The following MARCHF1 variants were observed in gnomAD, a reference collection of about 807,000 sequenced individuals.
The protein encoded by MARCHF1 is E3 ubiquitin-protein ligase MARCHF1.
MARCHF1 carries 40 observed loss-of-function variants against 54.2 expected under a neutral mutation model. The observed-to-expected ratio is 0.74, with a 90% CI of 0.57 to 0.96. The LOEUF is 0.96. Ranked by LOEUF, MARCHF1 falls within the 40% of genes least tolerant of loss-of-function variation. The probability of loss-of-function intolerance (pLI) is 0.00; values close to 1 mark genes in which losing one functional copy is unlikely to be tolerated. For missense variants in MARCHF1, 586 were observed against 656.5 expected, an observed-to-expected ratio of 0.89 and a Z score of 1.17; for synonymous variants, 236 against 236.3, an observed-to-expected ratio of 1.00 and a Z score of 0.01.
chr4:163,595,140 G>A (rs13146197), intron 7 of MARCHF1, among the ~76,000 whole-genome samples: 1,914 of 56,862 alleles, frequency 0.034, 109 homozygotes, highest in Non-Finnish European at 0.04. Context: ...AGGCCAAGGC[G>A]GGAGGACTGC....
chr4:163,704,599 G>A (rs577790872), intron 4 of MARCHF1, among the ~76,000 whole-genome samples: 25 of 151,064 alleles, frequency 1.7e-4, no homozygotes, highest in Non-Finnish European at 3.4e-4. Flanking sequence ...AAAGTGACTC[G>A]TAAGTCTTAA....
In MARCHF1 at chr4:163,560,047, T is replaced by A. The variant is rs1739418687; in HGVS notation, c.1192-14304A>T. ...ATGGCTTGTCAATTTATCTTAAAAGTAACTTTTGAAAAGCAGATGTTTTTA... is the reference window on the plus strand; with the variant it reads ...ATGGCTTGTCAATTTATCTTAAAAGAAACTTTTGAAAAGCAGATGTTTTTA... On this transcript the variant is annotated intron_variant, in intron 8 of 9. Transcript: ENST00000514618. 2.0e-5 allele frequency among the ~76,000 whole-genome samples: 3 copies of A among 152,348 alleles called. No individual in the cohort carries two copies. In the South Asian group the frequency reaches 6.2e-4, roughly 32 times the overall value.
intron 8 of MARCHF1, among the ~76,000 whole-genome samples, chr4:163,560,305 T>C (rs879825412): frequency 4.6e-5 from 7 of 152,222 alleles, no homozygotes; most frequent in Non-Finnish European, 8.8e-5. Context: ...CTTTCCCTGC[T>C]GAATTGCTTT....
rs1169125609 is a variant in MARCHF1, at chr4:164,000,064, C to A, written c.-247-11355G>T. Among the ~76,000 whole-genome samples the A allele has an allele frequency of 2.0e-5, 3 of 151,668 alleles. No individual in the cohort carries two copies. The East Asian group carries it at 5.8e-4, about 29-fold the overall frequency. ...TGCCCTTGAAATCCATGCTGCAAAGCCAAGCAGGCAATGCATGTGGTATTA... is the reference window on the plus strand; with the variant it reads ...TGCCCTTGAAATCCATGCTGCAAAGACAAGCAGGCAATGCATGTGGTATTA... On this transcript the variant is annotated intron_variant, in intron 2 of 9. Coordinates refer to ENST00000514618, the MANE Select transcript of MARCHF1 (RefSeq NM_001394959.1).
chr4:164,127,230 C>G (rs1756203685), intron 1 of MARCHF1, among the ~76,000 whole-genome samples: 1 of 152,124 alleles, frequency 6.6e-6, no homozygotes, highest in South Asian at 2.1e-4. Flanking sequence ...TGATATTTAC[C>G]TGAAGCTGCA....
rs1037759529 is a variant in MARCHF1, at chr4:163,527,564, G to T, written c.*1184C>A. 5 of 152,154 alleles carry T rather than the reference G, an allele frequency of 3.3e-5. No homozygotes were observed. Among genetic ancestry groups the T allele is most frequent in the African/African-American group, 1.2e-4 (5 of 41,556 alleles). The allele number at this position is 152,154 out of a possible 1,614,324, so 9.4% of individuals were successfully genotyped here. A position where few individuals can be genotyped will look rare whatever the true frequency, so the allele number is the denominator to read the frequency against. On this transcript the variant is annotated 3_prime_UTR_variant, in exon 10 of 10. Transcript: ENST00000514618. ...TACTTTTGGATTTTTACCCTTTAGA[G>T]ATGTGAACTTCATCTGACTTTAAAA...
intron 3 of MARCHF1, among the ~76,000 whole-genome samples, chr4:163,932,357 G>A (rs1280480078): frequency 2.6e-5 from 4 of 152,186 alleles, no homozygotes; most frequent in African/African-American, 9.7e-5. Context: ...TTTACCCACA[G>A]TAGAATGTTT....
chr4:163,625,354 T>C (rs1343916883), intron 5 of MARCHF1, among the ~76,000 whole-genome samples: 1 of 152,234 alleles, frequency 6.6e-6, no homozygotes, highest in Admixed American at 6.5e-5. Context: ...TTATAGTTAA[T>C]CTTATTTTGT....
intron 8 of MARCHF1, among the ~76,000 whole-genome samples, chr4:163,557,238 A>G (rs1739322326): frequency 6.6e-6 from 1 of 152,182 alleles, no homozygotes; most frequent in Non-Finnish European, 1.5e-5. Flanking sequence ...CCAAATGTTG[A>G]TTCTCATCCT....
intron 3 of MARCHF1, among the ~76,000 whole-genome samples, chr4:163,876,563 A>G (rs1750294006): frequency 6.6e-6 from 1 of 152,162 alleles, no homozygotes; most frequent in Non-Finnish European, 1.5e-5. Flanking sequence ...TTTCCATACA[A>G]ATAATGCTCA....
chr4:163,541,501 G>A (rs1289440323), intron 9 of MARCHF1, among the ~76,000 whole-genome samples: 1 of 152,116 alleles, frequency 6.6e-6, no homozygotes, highest in Non-Finnish European at 1.5e-5. Flanking sequence ...GGGTGTTAAA[G>A]CTCCAAGTAC....
intron 5 of MARCHF1, 152 bp from the exon 6 acceptor site, chr4:163,613,545 G>T (rs765585521): frequency 6.5e-7 from 1 of 1,550,030 alleles, no homozygotes; most frequent in Admixed American, 2.0e-5. Flanking sequence ...GAAGTTTGAG[G>T]TTGGTTTTGC....
intron 4 of MARCHF1, among the ~76,000 whole-genome samples, chr4:163,746,884 G>C (rs1429495729): frequency 6.6e-6 from 1 of 152,136 alleles, no homozygotes; most frequent in Non-Finnish European, 1.5e-5. Flanking sequence ...TGGGGATTGA[G>C]GCTCCTTTCT....
In MARCHF1 at chr4:164,045,319, C is replaced by CTT. The variant is rs1162122496; in HGVS notation, c.-247-56611_-247-56610insAA. ...TTGAGGTTAGGAGTTTGAGATCAGC[C>CTT]TGGCCAAAATGGTGAAACCCTGTCT... On this transcript the variant is annotated intron_variant, in intron 2 of 9. Coordinates refer to ENST00000514618, the MANE Select transcript of MARCHF1 (RefSeq NM_001394959.1). Among the ~76,000 whole-genome samples, 886 of 151,952 alleles carry CTT rather than the reference C, an allele frequency of 5.8e-3. 10 individuals are homozygous for CTT. Among genetic ancestry groups the CTT allele is most frequent in the African/African-American group, 0.021 (853 of 41,450 alleles).
At chr4:163,964,353 C>T (rs561681590) in intron 3 of MARCHF1, among the ~76,000 whole-genome samples, 2 of 152,010 alleles carry the variant, frequency 1.3e-5, no homozygotes, top group South Asian at 4.2e-4. Flanking sequence ...AGATTCATTA[C>T]TATTTACTTA....
intron 4 of MARCHF1, among the ~76,000 whole-genome samples, chr4:163,809,473 G>A (rs1005021021): frequency 2.6e-5 from 4 of 152,116 alleles, no homozygotes; most frequent in African/African-American, 7.2e-5. Flanking sequence ...TCTTTGGTAA[G>A]AGAAAATTTC....
At chr4:163,877,289 T>C (rs1010983640) in intron 3 of MARCHF1, among the ~76,000 whole-genome samples, 4 of 152,162 alleles carry the variant, frequency 2.6e-5, no homozygotes, top group African/African-American at 9.7e-5. Context: ...GTTCACCATT[T>C]ATCTTTTTCT....
rs200796629 is a variant in MARCHF1 at position 164,373,314 on chromosome 4, A to T, written c.-323+10556T>A. Among the ~76,000 whole-genome samples the T allele has an allele frequency of 4.0e-5, 6 of 151,890 alleles. No individual in the cohort carries two copies. The East Asian group carries it at 1.2e-3, about 29-fold the overall frequency. ...TTGTCTCTCATTCTTCCTGCAGAGA[A>T]ACTGAATCTTCCCATTAAAAATTAA... On this transcript the variant is annotated intron_variant, in intron 1 of 9. Transcript: ENST00000514618.
At chr4:163,572,968 G>A (rs1739890776) in intron 8 of MARCHF1, among the ~76,000 whole-genome samples, 1 of 152,136 alleles carries the variant, frequency 6.6e-6, no homozygotes, top group African/African-American at 2.4e-5. Context: ...ATTAGGCTAT[G>A]AGTGGTGTGT....
Sources: gnomAD v4.1 joint callset for allele counts (sites outside exome capture counted in the v4.1 genomes callset) on GRCh38, gnomAD v4.1.1 for gene constraint, MANE v1.5 for transcripts, NCBI Gene and HGNC (gene_info 2026-07-23, HGNC 2026-07-21) for gene names.